Variants in CPLX1 observed in about 807,000 individuals in gnomAD.
CPLX1 encodes the protein complexin 1, also known as complexin-1.
In CPLX1, 6 loss-of-function variants were observed where a neutral mutation model predicts 15.6. That is an observed-to-expected ratio of 0.39 (90% CI 0.21 to 0.76). The LOEUF is 0.76. Ranked by LOEUF, CPLX1 falls within the 30% of genes least tolerant of loss-of-function variation. The probability of loss-of-function intolerance (pLI) is 0.43; values close to 1 mark genes in which losing one functional copy is unlikely to be tolerated. For missense variants in CPLX1, 242 were observed against 188.6 expected, an observed-to-expected ratio of 1.28 and a Z score of -1.66; for synonymous variants, 91 against 75.2, an observed-to-expected ratio of 1.21 and a Z score of -1.08.
At chr4:821,891 G>A (rs908321475) in intron 2 of CPLX1, among the ~76,000 whole-genome samples, 2 of 152,114 alleles carry the variant, frequency 1.3e-5, no homozygotes, top group East Asian at 1.9e-4. Flanking sequence ...CCAGCCTGCC[G>A]CGGACAGCCC....
intron 2 of CPLX1, among the ~76,000 whole-genome samples, chr4:801,643 G>A (rs1016053252): frequency 6.6e-6 from 1 of 152,228 alleles, no homozygotes; most frequent in African/African-American, 2.4e-5. Flanking sequence ...ACCCCCAACA[G>A]CCTGGGCGTG....
At chr4:792,142 G>A (rs1449238621) in intron 3 of CPLX1, among the ~76,000 whole-genome samples, 1 of 152,192 alleles carries the variant, frequency 6.6e-6, no homozygotes, top group Non-Finnish European at 1.5e-5. Context: ...TCGGCCCAGG[G>A]CCCCAGGCAG....
At chr4:800,564 A>ACG (rs1746431367) in intron 2 of CPLX1, among the ~76,000 whole-genome samples, 12 of 142,974 alleles carry the variant, frequency 8.4e-5, no homozygotes, top group Admixed American at 2.1e-4. Context: ...ATATAAATAT[A>ACG]TGTGTGTGTG....
intron 2 of CPLX1, among the ~76,000 whole-genome samples, chr4:793,567 C>T (rs1746246551): frequency 6.6e-6 from 1 of 152,218 alleles, no homozygotes. Context: ...GCTGGCTGGA[C>T]CCAGCACACA....
At chr4:807,429 A>G (rs1350830052) in intron 2 of CPLX1, among the ~76,000 whole-genome samples, 5 of 152,044 alleles carry the variant, frequency 3.3e-5, no homozygotes, top group Non-Finnish European at 5.9e-5. Context: ...CACGTTTACT[A>G]CCTATGTAAC....
chr4:810,506 T>TCCCAC (rs1746648212), intron 2 of CPLX1, among the ~76,000 whole-genome samples: 1 of 152,194 alleles, frequency 6.6e-6, no homozygotes. Flanking sequence ...AGGGCGTGGG[T>TCCCAC]TTCTCCACAT....
chr4:819,150 C>T (rs1746815260), intron 2 of CPLX1, among the ~76,000 whole-genome samples: 1 of 152,286 alleles, frequency 6.6e-6, no homozygotes, highest in African/African-American at 2.4e-5. Context: ...GTAGTCCTGT[C>T]ACGCAGGAGC....
At chr4:794,045 C>A (rs939280502) in intron 2 of CPLX1, among the ~76,000 whole-genome samples, 1 of 152,226 alleles carries the variant, frequency 6.6e-6, no homozygotes, top group Non-Finnish European at 1.5e-5. Context: ...CCGTGCTATA[C>A]GGAGCCTGGG....
intron 2 of CPLX1, among the ~76,000 whole-genome samples, chr4:820,909 C>A (rs187244172): frequency 6.6e-6 from 1 of 152,152 alleles, no homozygotes; most frequent in Non-Finnish European, 1.5e-5. Context: ...CACGGGGGCG[C>A]GGAGGGGCTC....
At chr4:795,121 C>A (rs1746293889) in intron 2 of CPLX1, among the ~76,000 whole-genome samples, 1 of 152,240 alleles carries the variant, frequency 6.6e-6, no homozygotes, top group Non-Finnish European at 1.5e-5. Flanking sequence ...ACAGATGCCG[C>A]CCACGCCCCC....
chr4:798,651 C>A (rs1746392105), intron 2 of CPLX1, among the ~76,000 whole-genome samples: 1 of 152,234 alleles, frequency 6.6e-6, no homozygotes, highest in Admixed American at 6.5e-5. Flanking sequence ...CCTGCCTCAG[C>A]CTCCCGAAGT....
chr4:805,651 C>A (rs1219259700), intron 2 of CPLX1, among the ~76,000 whole-genome samples: 1 of 152,212 alleles, frequency 6.6e-6, no homozygotes, highest in African/African-American at 2.4e-5. Context: ...TACCTCCATA[C>A]CCCTGTTCAT....
At chr4:793,053 T>A (rs894240968) in intron 2 of CPLX1, among the ~76,000 whole-genome samples, 5 of 152,210 alleles carry the variant, frequency 3.3e-5, no homozygotes, top group Non-Finnish European at 7.3e-5. Context: ...TGTGGTTGAC[T>A]GCATGCGGTT....
intron 2 of CPLX1, among the ~76,000 whole-genome samples, chr4:798,571 A>T (rs1022644348): frequency 6.6e-6 from 1 of 152,008 alleles, no homozygotes; most frequent in African/African-American, 2.4e-5. Context: ...TTTTAAAAAC[A>T]TTTTTTGTAG....
In CPLX1 at chr4:785,822, T is replaced by C. The variant is rs2242236; in HGVS notation, c.*679A>G. 0.57 allele frequency: 86,166 copies of C among 151,432 alleles called. 24,938 individuals are homozygous for C. Among genetic ancestry groups the C allele is most frequent in the Middle Eastern group, 0.67 (194 of 290 alleles). The allele number at this position is 151,432 out of a possible 1,614,324, so 9.4% of individuals were successfully genotyped here. ...GGAGGCCGGGCGGGGGGCGAGGACT[T>C]GGGAAGAGCGGGGTGACGGGGGTGG... is the stretch of plus-strand genomic sequence containing the variant. On this transcript the variant is annotated 3_prime_UTR_variant, in exon 4 of 4. Transcript: ENST00000304062.
intron 2 of CPLX1, among the ~76,000 whole-genome samples, chr4:801,500 T>G (rs1441026925): frequency 6.6e-6 from 1 of 152,230 alleles, no homozygotes; most frequent in African/African-American, 2.4e-5. Flanking sequence ...GCAGCCATTG[T>G]AAGGTGTACC....
chr4:816,095 C>T (rs1746750458), intron 2 of CPLX1, among the ~76,000 whole-genome samples: 1 of 152,188 alleles, frequency 6.6e-6, no homozygotes, highest in Admixed American at 6.5e-5. Flanking sequence ...TGGTTTTTCT[C>T]ACCAGCCTGA....
chr4:787,299 C>G, intron 3 of CPLX1: 1 of 985,368 alleles, frequency 1.0e-6, no homozygotes, highest in Non-Finnish European at 1.2e-6. Context: ...CCTAGTCGTG[C>G]CCTCAGCCAG....
intron 2 of CPLX1, among the ~76,000 whole-genome samples, chr4:794,368 C>T (rs1246422078): frequency 6.6e-6 from 1 of 152,240 alleles, no homozygotes; most frequent in Non-Finnish European, 1.5e-5. Context: ...TGGGGACAGG[C>T]AGGCAGCCTA....
Sources: gnomAD v4.1 joint callset for allele counts (sites outside exome capture counted in the v4.1 genomes callset) on GRCh38, gnomAD v4.1.1 for gene constraint, MANE v1.5 for transcripts, NCBI Gene and HGNC (gene_info 2026-07-23, HGNC 2026-07-21) for gene names.